ANKRD28: variants seen among roughly 807,000 people sequenced by gnomAD.
The protein encoded by ANKRD28 is serine/threonine-protein phosphatase 6 regulatory ankyrin repeat subunit A.
ANKRD28 carries 44 observed loss-of-function variants against 126.5 expected under a neutral mutation model. The ratio of observed to expected loss-of-function variants is 0.35; its 90% CI spans 0.27 to 0.45. ANKRD28 has a LOEUF of 0.45. Ranked by LOEUF, ANKRD28 falls within the 20% of genes least tolerant of loss-of-function variation. ANKRD28 has a pLI of 1.00. For missense variants in ANKRD28, 1,110 were observed against 1,316.6 expected (o/e 0.84, Z 2.43); for synonymous variants, 442 against 468.5 (o/e 0.94, Z 0.73).
At chr3:15,715,850 T>C (rs1055678852) in intron 8 of ANKRD28, among the ~76,000 whole-genome samples, 1 of 152,144 alleles carries the variant, frequency 6.6e-6, no homozygotes, top group Non-Finnish European at 1.5e-5. Context: ...TTATTTTTCA[T>C]GTACCAGTTG....
intron 1 of ANKRD28, among the ~76,000 whole-genome samples, chr3:15,842,540 C>A (rs572139333): frequency 6.6e-4 from 101 of 151,980 alleles, no homozygotes; most frequent in African/African-American, 2.4e-3. Flanking sequence ...TGACTATAGT[C>A]AAAAATAATT....
intron 11 of ANKRD28, 54 bp downstream of exon 11, chr3:15,712,086 A>C: frequency 7.1e-7 from 1 of 1,400,348 alleles, no homozygotes. Flanking sequence ...AGACCATCTA[A>C]AAATTTTGAG....
chr3:15,743,584 ACACACACACG>A (rs1161836382), intron 4 of ANKRD28, among the ~76,000 whole-genome samples: 4 of 149,252 alleles, frequency 2.7e-5, no homozygotes, highest in African/African-American at 1.0e-4. Context: ...ACACACACAC[ACACACACACG>A]CACACCAAAA....
In ANKRD28 at chr3:15,753,868, C is replaced by T. The variant is rs183824858; in HGVS notation, c.281-2048G>A. 3.3e-5 allele frequency among the ~76,000 whole-genome samples: 5 copies of T among 152,102 alleles called. No individual in the cohort carries two copies. The East Asian group carries it at 7.7e-4, about 24-fold the overall frequency. ...GGCTGAGGCAGGAATCACTTGAACCCGGGAGGAAGAGGTTGCAGTGAGCCG... is the reference window on the plus strand; with the variant it reads ...GGCTGAGGCAGGAATCACTTGAACCTGGGAGGAAGAGGTTGCAGTGAGCCG... On this transcript the variant is annotated intron_variant, in intron 3 of 27. Coordinates refer to ENST00000683139, the MANE Select transcript of ANKRD28 (RefSeq NM_001349278.2).
At chr3:15,740,370 G>C (rs2125192188) in intron 4 of ANKRD28, among the ~76,000 whole-genome samples, 1 of 152,212 alleles carries the variant, frequency 6.6e-6, no homozygotes, top group Non-Finnish European at 1.5e-5. Flanking sequence ...TTAATTGTAA[G>C]TTATATTTCA....
chr3:15,798,564 T>G (rs1178819801), upstream of ANKRD28, among the ~76,000 whole-genome samples: 3 of 152,110 alleles, frequency 2.0e-5, no homozygotes, highest in Non-Finnish European at 4.4e-5. Context: ...AATCATTTGA[T>G]TTTTCACTGA....
chr3:15,741,168 C>T (rs2075436876), intron 4 of ANKRD28, among the ~76,000 whole-genome samples: 1 of 151,580 alleles, frequency 6.6e-6, no homozygotes, highest in Non-Finnish European at 1.5e-5. Context: ...CATTGCACTC[C>T]AGCTTGGGCG....
intron 17 of ANKRD28, among the ~76,000 whole-genome samples, 173 bp downstream of exon 17, chr3:15,694,565 AC>A (rs1464106721): frequency 2.6e-5 from 4 of 151,984 alleles, no homozygotes; most frequent in Admixed American, 6.6e-5. Context: ...AAAAACAAAA[AC>A]CCAGCACATT....
chr3:15,678,398 T>A (rs963976883), intron 23 of ANKRD28, 44 bp from the exon 24 acceptor site: 8 of 1,534,442 alleles, frequency 5.2e-6, no homozygotes, highest in Non-Finnish European at 6.2e-6. Flanking sequence ...ATTTGAATGT[T>A]ATATATGCTG....
chr3:15,758,593 A>C (rs189551865), intron 3 of ANKRD28, among the ~76,000 whole-genome samples: 7 of 152,160 alleles, frequency 4.6e-5, no homozygotes, highest in Non-Finnish European at 1.0e-4. Flanking sequence ...GGACAGAGGG[A>C]AAATAAAGGG....
rs2061256294 is a variant in ANKRD28, at chr3:15,833,654, T to C, written c.27+25723A>G. 6.6e-6 allele frequency among the ~76,000 whole-genome samples: 1 copy of C among 151,816 alleles called. No individual in the cohort carries two copies. The highest frequency in any genetic ancestry group is 1.5e-5 in the Non-Finnish European group (1 of 67,980). On this transcript the variant is annotated intron_variant, in intron 1 of 27. Coordinates refer to the ANKRD28 transcript ENST00000399451. The surrounding 1 kb of genome is among the most constrained non-coding windows in gnomAD (Gnocchi z 4.4). The stretch of plus-strand genomic sequence containing the variant: ...ATCTGTTGTTTTTTTGACCTTTTAA[T>C]AGTAACTAACCATTCTGACTCATAT...
chr3:15,719,556 T>C (rs534795414), intron 8 of ANKRD28, among the ~76,000 whole-genome samples: 1 of 152,254 alleles, frequency 6.6e-6, no homozygotes, highest in South Asian at 2.1e-4. Context: ...AGTGAAAGCA[T>C]ATTTATTTGG....
intron 3 of ANKRD28, among the ~76,000 whole-genome samples, chr3:15,755,006 A>T (rs2058077762): frequency 6.6e-6 from 1 of 152,052 alleles, no homozygotes; most frequent in South Asian, 2.1e-4. Context: ...CTGCAATCCA[A>T]GCTTCCAAGC....
At chr3:15,702,974 T>C (rs1209693059) in intron 14 of ANKRD28, among the ~76,000 whole-genome samples, 1 of 152,222 alleles carries the variant, frequency 6.6e-6, no homozygotes, top group Non-Finnish European at 1.5e-5. Flanking sequence ...GACTAGTATC[T>C]CCATTTCACA....
At chr3:15,777,849 TACACACACACACACACACACACAC>T (rs569761948) in intron 2 of ANKRD28, among the ~76,000 whole-genome samples, 20 of 106,194 alleles carry the variant, frequency 1.9e-4, no homozygotes, top group Admixed American at 1.1e-3. Context: ...AAAACCAAAC[TACACACACACACACACACACACAC>T]ACACACACAC....
rs2060820308 is a variant in ANKRD28 at position 15,815,783 on chromosome 3, C to G, written c.28-20477G>C. 6.6e-6 allele frequency among the ~76,000 whole-genome samples: 1 copy of G among 152,066 alleles called. No individual in the cohort carries two copies. Among genetic ancestry groups the G allele is most frequent in the Non-Finnish European group, 1.5e-5 (1 of 68,014 alleles). ...AAAAATCTGTTATTTCTTCCCTTGT[C>G]AAAATTATTTATGAACAAATCAACC... On this transcript the variant is annotated intron_variant, in intron 1 of 27. Coordinates refer to the ANKRD28 transcript ENST00000399451. This position sits in a 1 kb window ranked among gnomAD's most constrained non-coding sequence, Gnocchi z 4.1.
At chr3:15,751,068 T>C (rs1428021054) in intron 4 of ANKRD28, among the ~76,000 whole-genome samples, 7 of 152,054 alleles carry the variant, frequency 4.6e-5, no homozygotes, top group Admixed American at 3.9e-4. Context: ...TTGTCTCATC[T>C]CTATCATTTA....
chr3:15,715,240 T>A (rs1038764512), intron 8 of ANKRD28, among the ~76,000 whole-genome samples: 3 of 152,178 alleles, frequency 2.0e-5, no homozygotes, highest in African/African-American at 7.2e-5. Context: ...TTAGGTAGTG[T>A]CTTTTCTTTT....
chr3:15,721,202 CTGTGGTT>C, intron 7 of ANKRD28, 75 bp from the exon 8 acceptor site: 1 of 1,266,868 alleles, frequency 7.9e-7, no homozygotes, highest in Non-Finnish European at 1.1e-6. Flanking sequence ...TTTTAGCAAC[CTGTGGTT>C]GCAATCAAAT....
Sources: allele counts gnomAD v4.1 joint callset (sites outside exome capture counted in the v4.1 genomes callset), GRCh38; gene constraint gnomAD v4.1.1; non-coding constraint Gnocchi (gnomAD v3.1); transcripts MANE v1.5; gene names NCBI Gene and HGNC (gene_info 2026-07-23, HGNC 2026-07-21).